PSMD6: variants seen among roughly 807,000 people sequenced by gnomAD.
PSMD6 encodes the protein 26S proteasome non-ATPase regulatory subunit 6.
PSMD6 carries 7 observed loss-of-function variants against 44.9 expected under a neutral mutation model. That is an observed-to-expected ratio of 0.16 (90% CI 0.09 to 0.29). The LOEUF (loss-of-function observed/expected upper bound fraction) is 0.29. Among genes scored for constraint, PSMD6 ranks in the 10% least tolerant of loss-of-function variants. The pLI, the probability that PSMD6 is intolerant of heterozygous loss-of-function variation, is 1.00. For missense variants in PSMD6, 420 were observed against 482.6 expected (o/e 0.87, Z 1.21); for synonymous variants, 184 against 172.7 (o/e 1.07, Z -0.51).
intron 5 of PSMD6, chr3:64,015,658 T>C (rs1478698973): frequency 6.6e-6 from 1 of 152,184 alleles, no homozygotes; most frequent in South Asian, 2.1e-4. Flanking sequence ...CAAAACAGCA[T>C]ATAAAATACA....
intron 2 of PSMD6, chr3:64,019,793 C>G (rs1252672676): frequency 2.8e-5 from 5 of 179,868 alleles, no homozygotes; most frequent in African/African-American, 4.7e-5. Flanking sequence ...AAAATAACAT[C>G]ATCTGAAGGG....
chr3:64,016,003 CAG>C (rs2076037782), intron 5 of PSMD6: 1 of 151,992 alleles, frequency 6.6e-6, no homozygotes, highest in South Asian at 2.1e-4. Flanking sequence ...CTGGCTAACA[CAG>C]TGAAACCCTG....
Position 64,018,607 on chromosome 3 carries a change from T to C in PSMD6, c.818A>G (p.Gln273Arg), listed in dbSNP as rs2076083911. ...ATCAACCCTATCCTTACCTAATGATTGGAAGAAAACAGAGTAACGGCATTC... is the reference window on the plus strand; with the variant it reads ...ATCAACCCTATCCTTACCTAATGATCGGAAGAAAACAGAGTAACGGCATTC... ...LYECRYSVFF[Q>R]SLAVVEQEMK... Residue 273 changes from glutamine (Q) to arginine (R), a missense_variant, in exon 5 of 8, where the codon CAA becomes CGA. Gln to Arg is a conservative substitution (Grantham distance 43, BLOSUM62 1). Transcript: ENST00000295901. 6.4e-7 allele frequency: 1 copy of C among 1,556,304 alleles called. No homozygotes were observed. The highest frequency in any genetic ancestry group is 1.7e-4 in the Middle Eastern group (1 of 5,938).
rs1224249411 is a variant in PSMD6, at chr3:64,018,739, AAAT to A, written c.718-35_718-33del. 2.0e-6 allele frequency: 3 copies of A among 1,522,220 alleles called. No individual in the cohort carries two copies. The African/African-American group carries it at 4.2e-5, about 21-fold the overall frequency. The allele number at this position is 1,522,220 out of a possible 1,614,324, so 94.3% of individuals were successfully genotyped here. On this transcript the variant is annotated intron_variant, in intron 4 of 7. Transcript: ENST00000295901. ...ATTTTAAAAAACATATATACAAAAA[AAAT>A]GTACATTTTAATGATTTGTGTATTT...
chr3:64,022,995 G>A, intron 1 of PSMD6: 3 of 1,422,328 alleles, frequency 2.1e-6, no homozygotes, highest in Non-Finnish European at 2.8e-6. Context: ...TTTACTCTGT[G>A]CCTAGCACAG....
At chr3:64,022,751 T>A (rs2076152759) in intron 1 of PSMD6, 1 of 1,536,380 alleles carries the variant, frequency 6.5e-7, no homozygotes, top group African/African-American at 1.4e-5. Flanking sequence ...CTACTAGGGC[T>A]GGAGGGAGGG....
chr3:64,016,842 A>C (rs2076051463), intron 5 of PSMD6: 1 of 152,174 alleles, frequency 6.6e-6, no homozygotes, highest in Non-Finnish European at 1.5e-5. Flanking sequence ...CCACAGAAAA[A>C]GCTGTACACA....
chr3:64,021,683 C>T (rs974443131), intron 2 of PSMD6, among the ~76,000 whole-genome samples: 24 of 151,890 alleles, frequency 1.6e-4, no homozygotes, highest in Non-Finnish European at 3.1e-4. Context: ...TGGTGGCGCA[C>T]GCCTGTAATC....
chr3:64,013,346 G>A, intron 6 of PSMD6, 93 bp downstream of exon 6: 2 of 1,280,988 alleles, frequency 1.6e-6, no homozygotes, highest in Non-Finnish European at 2.1e-6. Context: ...AAGATTGAGG[G>A]AACCAATGTA....
rs1403729323 is a variant in PSMD6 at position 64,022,521 on chromosome 3, T to C, written c.148A>G (p.Met50Val). 6.2e-7 allele frequency: 1 copy of C among 1,613,654 alleles called. No homozygotes were observed. ...CACAAGGCTTCATAGTAAGGAGCCA[T>C]GTCTAACATGCAAAAAGAGGGATGT... ...ELMAAVRDNN[M>V]APYYEALCKS... The change falls in exon 2 of 8, where the codon ATG (methionine) becomes GTG (valine). Residue 50 changes from methionine to valine, a missense_variant and splice_region_variant. Physicochemically the swap from Met to Val is conservative, Grantham distance 21. This residue lies in a region of PSMD6 where 136 missense variants were observed against 124.2 expected (regional missense o/e 1.09). Transcript: ENST00000295901.
chr3:64,011,269 T>TGTTTCAAACAA (rs1354812711), intron 6 of PSMD6: 26 of 211,836 alleles, frequency 1.2e-4, no homozygotes, highest in African/African-American at 5.7e-4. Context: ...AACAGTAAAC[T>TGTTTCAAACAA]GTTTCAAACA....
intron 1 of PSMD6, 60 bp downstream of exon 1, chr3:64,023,206 CCCGCAGGCT>C (rs2076161415): frequency 6.8e-7 from 1 of 1,477,834 alleles, no homozygotes; most frequent in Non-Finnish European, 9.0e-7. Flanking sequence ...AAAAAAAGTC[CCCGCAGGCT>C]CCGGAACGCG....
At chr3:64,020,327 TA>T (rs1403942719) in intron 2 of PSMD6, among the ~76,000 whole-genome samples, 2 of 152,064 alleles carry the variant, frequency 1.3e-5, no homozygotes, top group South Asian at 2.1e-4. Context: ...AAATAAAATA[TA>T]AAAAACGAGA....
rs769519017 is a variant in PSMD6, at chr3:64,023,450, A to C, written c.-31T>G. On this transcript the variant is annotated 5_prime_UTR_variant, in exon 1 of 8. Transcript: ENST00000295901. ...CGAAGGGGACAGCGGCTGACAGGAC[A>C]CAACTTGGTTACGACCGGCTGCGGC... 6 of 1,560,902 alleles carry C rather than the reference A, an allele frequency of 3.8e-6. No homozygotes were observed. Among genetic ancestry groups the C allele is most frequent in the South Asian group, 1.1e-5 (1 of 87,332 alleles).
At chr3:64,016,198 TA>T (rs1381411094) in intron 5 of PSMD6, 1 of 151,636 alleles carries the variant, frequency 6.6e-6, no homozygotes, top group Admixed American at 6.6e-5. Flanking sequence ...AATAAATAAA[TA>T]AATAAATAAA....
chr3:64,012,144 C>T (rs1040477246), intron 6 of PSMD6: 1 of 150,986 alleles, frequency 6.6e-6, no homozygotes, highest in African/African-American at 2.5e-5. Context: ...TAGATTGTAA[C>T]AAGCAAATAT....
chr3:64,010,836 T>G (rs761721292), intron 7 of PSMD6, 42 bp downstream of exon 7: 24 of 1,580,480 alleles, frequency 1.5e-5, no homozygotes, highest in South Asian at 9.0e-5. Flanking sequence ...TGACCTACTT[T>G]TAAAATTTAG....
In PSMD6 at chr3:64,010,731, AGTTTCTT is replaced by A; in HGVS notation, c.1100_1106del (p.Gln367LeufsTer9). Reference sequence around the variant, plus strand: ...TTAGTAGCAGATCTCCTTTCTTGATAGTTTCTTGGTACTGCCAGTTCTTGCTATCAGG... The same window carrying A: ...TTAGTAGCAGATCTCCTTTCTTGATAGGTACTGCCAGTTCTTGCTATCAGG... On this transcript the variant is annotated frameshift_variant, in exon 8 of 8. Transcript: ENST00000295901. LOFTEE classifies it high-confidence loss of function. 1 of 1,611,084 alleles carries A rather than the reference AGTTTCTT, an allele frequency of 6.2e-7. No homozygotes were observed. The highest frequency in any genetic ancestry group is 8.5e-7 in the Non-Finnish European group (1 of 1,177,738).
intron 2 of PSMD6, among the ~76,000 whole-genome samples, chr3:64,021,070 AAAG>A (rs1035883106): frequency 1.3e-5 from 2 of 152,206 alleles, no homozygotes; most frequent in African/African-American, 2.4e-5. Flanking sequence ...TATTTAAAAA[AAAG>A]AAGAAAAAAA....
Sources: gnomAD v4.1 joint callset for allele counts (sites outside exome capture counted in the v4.1 genomes callset) on GRCh38, gnomAD v4.1.1 for gene constraint, gnomAD v4.1.1 regional missense constraint, MANE v1.5 for transcripts, NCBI Gene and HGNC (gene_info 2026-07-23, HGNC 2026-07-21) for gene names.